The following ACOT7 variants were observed in gnomAD, a reference collection of about 807,000 sequenced individuals.
ACOT7 encodes the protein acyl-CoA thioesterase 7.
In ACOT7, 12 loss-of-function variants were observed where a neutral mutation model predicts 40.2. That is an observed-to-expected ratio of 0.30 (90% CI 0.19 to 0.48). The LOEUF (loss-of-function observed/expected upper bound fraction) is 0.48, where lower values mean the gene tolerates loss of function less well. Among genes scored for constraint, ACOT7 ranks in the 20% least tolerant of loss-of-function variants. The pLI, the probability that ACOT7 is intolerant of heterozygous loss-of-function variation, is 0.99. For missense variants in ACOT7, 395 were observed against 530.8 expected (o/e 0.74, Z 2.51); for synonymous variants, 228 against 219.5 (o/e 1.04, Z -0.34).
intron 8 of ACOT7, among the ~76,000 whole-genome samples, chr1:6,266,571 C>T (rs181984573): frequency 2.5e-4 from 38 of 152,334 alleles, no homozygotes; most frequent in African/African-American, 8.9e-4. Flanking sequence ...TGTAGCAGGG[C>T]CCTGCCCCCT....
At chr1:6,378,118 AAG>A (rs1491290448) in intron 1 of ACOT7, among the ~76,000 whole-genome samples, 1 of 147,356 alleles carries the variant, frequency 6.8e-6, no homozygotes. Context: ...TACAAGGCCA[AAG>A]CATCCACTCG....
At chr1:6,286,328 G>A (rs576554648) in intron 7 of ACOT7, among the ~76,000 whole-genome samples, 10 of 152,300 alleles carry the variant, frequency 6.6e-5, no homozygotes, top group South Asian at 2.1e-4. Context: ...TGGGGAAGGC[G>A]GCCAGAAGGG....
At chr1:6,327,246 C>G in intron 5 of ACOT7, 53 bp downstream of exon 5, 1 of 1,576,068 alleles carries the variant, frequency 6.3e-7, no homozygotes, top group Non-Finnish European at 8.7e-7. Context: ...CTCCTGCCTC[C>G]TATGCGTCCC....
chr1:6,378,294 G>C (rs1389183868), intron 1 of ACOT7, among the ~76,000 whole-genome samples: 1 of 151,716 alleles, frequency 6.6e-6, no homozygotes, highest in East Asian at 1.9e-4. Flanking sequence ...GGTGGCCGGG[G>C]TGCTCCTCGA....
intron 8 of ACOT7, among the ~76,000 whole-genome samples, chr1:6,270,067 T>C (rs1434322995): frequency 1.3e-5 from 2 of 152,232 alleles, no homozygotes; most frequent in Non-Finnish European, 1.5e-5. Context: ...GGTTACGGGC[T>C]CACTGCTGGT....
chr1:6,328,496 AC>A (rs1387545378), intron 4 of ACOT7, among the ~76,000 whole-genome samples: 1 of 152,012 alleles, frequency 6.6e-6, no homozygotes, highest in African/African-American at 2.4e-5. Context: ...CCCCTGGCCA[AC>A]ATGGTGAAAC....
intron 8 of ACOT7, among the ~76,000 whole-genome samples, chr1:6,266,747 C>T (rs1638864650): frequency 1.3e-5 from 2 of 152,256 alleles, no homozygotes; most frequent in Non-Finnish European, 2.9e-5. Flanking sequence ...GCGGCAAGGC[C>T]GAGGCTCAGC....
chr1:6,302,027 C>T (rs1177764797), intron 6 of ACOT7, among the ~76,000 whole-genome samples: 1 of 152,196 alleles, frequency 6.6e-6, no homozygotes, highest in African/African-American at 2.4e-5. Context: ...ATTCTGGGGC[C>T]CAGGCCAGGG....
At position 6,282,887 on chromosome 1, in the gene ACOT7, A is replaced by C; in HGVS notation, c.830-1601T>G. On this transcript the variant is annotated intron_variant, in intron 7 of 8. Coordinates refer to ENST00000361521, the MANE Select transcript of ACOT7 (RefSeq NM_007274.4). This position sits in a 1 kb window ranked among gnomAD's most constrained non-coding sequence, Gnocchi z 4.5. The stretch of plus-strand genomic sequence containing the variant: ...GCCATGGGTCAGGCCCCAGCTAAGG[A>C]GCTAGAAGTTTCAACAGGTCAGACC... 1.1e-6 allele frequency: 1 copy of C among 937,228 alleles called. No individual in the cohort carries two copies. Among genetic ancestry groups the C allele is most frequent in the Non-Finnish European group, 1.5e-6 (1 of 654,258 alleles). The allele number at this position is 937,228 out of a possible 1,614,324, so 58.1% of individuals were successfully genotyped here.
intron 3 of ACOT7, among the ~76,000 whole-genome samples, chr1:6,335,222 G>T (rs1641066184): frequency 6.6e-6 from 1 of 151,816 alleles, no homozygotes; most frequent in African/African-American, 2.4e-5. Context: ...AGCTACTCGG[G>T]AGGCTGAGGC....
At chr1:6,276,646 C>T (rs957956625) in intron 8 of ACOT7, among the ~76,000 whole-genome samples, 2 of 152,088 alleles carry the variant, frequency 1.3e-5, no homozygotes, top group Admixed American at 6.6e-5. Flanking sequence ...TCTGGAGGGA[C>T]GGAACGCACA....
chr1:6,295,165 GGAGA>G, intron 6 of ACOT7, 185 bp from the exon 7 acceptor site: 3 of 494,502 alleles, frequency 6.1e-6, no homozygotes, highest in African/African-American at 2.0e-5. Flanking sequence ...GGCTTCCTCA[GGAGA>G]TTTTGAAAAA....
intron 5 of ACOT7, 86 bp from the exon 6 acceptor site, chr1:6,318,664 G>T (rs1044793461): frequency 2.2e-6 from 3 of 1,352,910 alleles, no homozygotes; most frequent in Non-Finnish European, 3.1e-6. Flanking sequence ...CCACCCTCAG[G>T]TCTACACAGT....
At chr1:6,293,678 G>A (rs1639734088) in intron 7 of ACOT7, among the ~76,000 whole-genome samples, 1 of 152,194 alleles carries the variant, frequency 6.6e-6, no homozygotes, top group Non-Finnish European at 1.5e-5. Context: ...TCCGGCCTGG[G>A]TGACAGAATA....
intron 8 of ACOT7, among the ~76,000 whole-genome samples, chr1:6,271,710 C>T (rs1639040920): frequency 2.0e-5 from 3 of 152,250 alleles, no homozygotes; most frequent in South Asian, 4.1e-4. Flanking sequence ...CTGCACCAGC[C>T]TCCAGCAGAA....
Position 6,358,833 on chromosome 1 carries a change from G to C in ACOT7, c.144-8967C>G. ...GCCCATGACTGGCAGTACCTGCTCA[G>C]CTGGAAAGCCATGGTGGCTAGGACA... On this transcript the variant is annotated intron_variant, in intron 1 of 8. Coordinates refer to ENST00000361521, the MANE Select transcript of ACOT7 (RefSeq NM_007274.4). The surrounding 1 kb of genome is among the most constrained non-coding windows in gnomAD (Gnocchi z 4.1). 6.2e-7 allele frequency: 1 copy of C among 1,614,042 alleles called. No homozygotes were observed. The highest frequency in any genetic ancestry group is 8.5e-7 in the Non-Finnish European group (1 of 1,179,940).
At position 6,306,200 on chromosome 1, in the gene ACOT7, CG is replaced by C. The variant is rs1640150691; in HGVS notation, c.713-11221del. ...CGTGGCAAGAGAGGGAGAGGGAGAC[CG>C]TGGGGAGAGGGGGAGGGGGAGGGGG... On this transcript the variant is annotated intron_variant, in intron 6 of 8. Transcript: ENST00000361521. This position sits in a 1 kb window ranked among gnomAD's most constrained non-coding sequence, Gnocchi z 4.3. 1 of 782,698 alleles carries C rather than the reference CG, an allele frequency of 1.3e-6. No individual in the cohort carries two copies. The highest frequency in any genetic ancestry group is 5.7e-5 in the African/African-American group (1 of 17,518). 48.5% of individuals were successfully genotyped at this position (782,698 alleles called of 1,614,324 possible). A position where few individuals can be genotyped will look rare whatever the true frequency, so the allele number is the denominator to read the frequency against.
intron 1 of ACOT7, among the ~76,000 whole-genome samples, chr1:6,366,980 C>T (rs112875683): frequency 0.022 from 3,376 of 151,982 alleles, 119 homozygotes; most frequent in African/African-American, 0.077. Context: ...AGGCGGATCA[C>T]GAGGTCAGGA....
chr1:6,344,845 G>A (rs1002761265), intron 2 of ACOT7, among the ~76,000 whole-genome samples: 4 of 151,516 alleles, frequency 2.6e-5, no homozygotes, highest in African/African-American at 7.3e-5. Flanking sequence ...GTCTTGCCAC[G>A]GTCCCATTTC....
Sources: gnomAD v4.1 joint callset for allele counts (sites outside exome capture counted in the v4.1 genomes callset) on GRCh38, gnomAD v4.1.1 for gene constraint, Gnocchi (gnomAD v3.1) non-coding constraint, MANE v1.5 for transcripts, NCBI Gene and HGNC (gene_info 2026-07-23, HGNC 2026-07-21) for gene names.